The following DCUN1D1 variants were observed in gnomAD, a reference collection of about 807,000 sequenced individuals.
DCUN1D1 encodes defective in cullin neddylation 1 domain containing 1.
Under a neutral mutation model 39.0 loss-of-function variants are expected in DCUN1D1, and 3 were observed. That is an observed-to-expected ratio of 0.08 (90% CI 0.04 to 0.20). The LOEUF is 0.20. Ranked by LOEUF, DCUN1D1 falls within the 10% of genes least tolerant of loss-of-function variation. The pLI is 1.00. For synonymous variants in DCUN1D1, 82 were observed against 96.3 expected, an observed-to-expected ratio of 0.85 and a Z score of 0.87; for missense variants, 158 against 302.4, an observed-to-expected ratio of 0.52 and a Z score of 3.54.
intron 4 of DCUN1D1, among the ~76,000 whole-genome samples, chr3:182,960,403 T>C (rs1223844974): frequency 3.3e-5 from 5 of 152,196 alleles, no homozygotes; most frequent in African/African-American, 1.2e-4. Context: ...AACCAACAAC[T>C]TCTCTCCTGC....
In DCUN1D1 at chr3:182,938,167, AT is replaced by A. The variant is rs954395720; in HGVS notation, c.*6926del. ...TAACTTGAAAAATATATTCGTTAGAATTTTTTTATTAAGTACATCAAAATTT... is the reference window on the plus strand; with the variant it reads ...TAACTTGAAAAATATATTCGTTAGAATTTTTTATTAAGTACATCAAAATTT... On this transcript the variant is annotated 3_prime_UTR_variant, in exon 7 of 7. Transcript: ENST00000292782. The A allele has an allele frequency of 1.3e-5, 2 of 152,142 alleles. No individual in the cohort carries two copies. The highest frequency in any genetic ancestry group is 2.9e-5 in the Non-Finnish European group (2 of 68,016). 9.4% of individuals were successfully genotyped at this position (152,142 alleles called of 1,614,324 possible). A position where few individuals can be genotyped will look rare whatever the true frequency, so the allele number is the denominator to read the frequency against.
chr3:182,966,936 G>A lies in DCUN1D1; in HGVS notation c.4-1183C>T, dbSNP rs193294247. ...AGCCTGCCCAACATGGTGAAACCCC[G>A]TCTCTACTAAAAATACAAAAATTAG... On this transcript the variant is annotated intron_variant, in intron 1 of 6. Transcript: ENST00000292782. Among the ~76,000 whole-genome samples, 25 of 152,044 alleles carry A rather than the reference G, an allele frequency of 1.6e-4. No homozygotes were observed. The East Asian group carries it at 2.5e-3, about 15-fold the overall frequency.
At chr3:182,946,346 A>G (rs893049098) in intron 6 of DCUN1D1, among the ~76,000 whole-genome samples, 30 of 152,218 alleles carry the variant, frequency 2.0e-4, no homozygotes, top group African/African-American at 7.2e-4. Context: ...TGACAAGGTC[A>G]GGAGTTCAAC....
chr3:182,963,740 A>G, intron 3 of DCUN1D1, 141 bp downstream of exon 3: 2 of 691,772 alleles, frequency 2.9e-6, no homozygotes, highest in South Asian at 5.1e-5. Flanking sequence ...ACTGTATAAC[A>G]TGGAAACTAG....
At chr3:182,978,392 T>C (rs1045223838) in intron 1 of DCUN1D1, among the ~76,000 whole-genome samples, 3 of 152,202 alleles carry the variant, frequency 2.0e-5, no homozygotes, top group Non-Finnish European at 4.4e-5. Flanking sequence ...CCTTTCTTAT[T>C]ATTTTTTTTA....
At chr3:182,947,482 T>C (rs1003771644) in intron 5 of DCUN1D1, 68 bp downstream of exon 5, 21 of 1,142,966 alleles carry the variant, frequency 1.8e-5, no homozygotes, top group Non-Finnish European at 2.6e-5. Flanking sequence ...CAATACATTA[T>C]GTTAATTTAT....
chr3:182,939,906 T>C lies in DCUN1D1; in HGVS notation c.*5188A>G, dbSNP rs1208838247. The C allele has an allele frequency of 1.3e-5, 2 of 152,236 alleles. No individual in the cohort carries two copies. The highest frequency in any genetic ancestry group is 2.4e-5 in the African/African-American group (1 of 41,458). 9.4% of individuals were successfully genotyped at this position (152,236 alleles called of 1,614,324 possible). On this transcript the variant is annotated 3_prime_UTR_variant, in exon 7 of 7. Transcript: ENST00000292782. ...ATCACTATTTTAAAGCTCTGGTTCATAGTTCGTTCATTTGATATATTCAAC... is the reference window on the plus strand; with the variant it reads ...ATCACTATTTTAAAGCTCTGGTTCACAGTTCGTTCATTTGATATATTCAAC...
At chr3:182,979,241 G>A (rs1302233737) in intron 1 of DCUN1D1, among the ~76,000 whole-genome samples, 2 of 152,122 alleles carry the variant, frequency 1.3e-5, no homozygotes, top group African/African-American at 2.4e-5. Flanking sequence ...TTAAATATGT[G>A]TCAGACTAAA....
At chr3:182,973,173 A>G (rs529396305) in intron 1 of DCUN1D1, among the ~76,000 whole-genome samples, 38 of 152,262 alleles carry the variant, frequency 2.5e-4, no homozygotes, top group African/African-American at 7.9e-4. Context: ...ACACATATAC[A>G]CTATGTTTTT....
intron 4 of DCUN1D1, among the ~76,000 whole-genome samples, chr3:182,951,614 T>TC (rs1410457738): frequency 5.2e-4 from 16 of 30,834 alleles, no homozygotes; most frequent in Non-Finnish European, 7.5e-4. Flanking sequence ...AGACCCTGTC[T>TC]CCCAAAAAAA....
chr3:182,947,080 C>A (rs1353998449), intron 6 of DCUN1D1, among the ~76,000 whole-genome samples, 158 bp downstream of exon 6: 1 of 151,900 alleles, frequency 6.6e-6, no homozygotes, highest in Non-Finnish European at 1.5e-5. Context: ...CTACCCTGGG[C>A]AACAGAATGA....
Position 182,940,934 on chromosome 3 carries a change from T to G in DCUN1D1, c.*4160A>C, listed in dbSNP as rs180853891. 5 of 152,212 alleles carry G rather than the reference T, an allele frequency of 3.3e-5. No homozygotes were observed. The highest frequency in any genetic ancestry group is 1.2e-4 in the African/African-American group (5 of 41,452). The allele number at this position is 152,212 out of a possible 1,614,324, so 9.4% of individuals were successfully genotyped here. On this transcript the variant is annotated 3_prime_UTR_variant, in exon 7 of 7. Coordinates refer to ENST00000292782, the MANE Select transcript of DCUN1D1 (RefSeq NM_020640.4). ...TAAAACTCCATAAAGACATTACTTATTGAGAATTCCACTAACTACAAAGGC... is the reference window on the plus strand; with the variant it reads ...TAAAACTCCATAAAGACATTACTTAGTGAGAATTCCACTAACTACAAAGGC...
intron 4 of DCUN1D1, among the ~76,000 whole-genome samples, chr3:182,953,379 AT>A (rs1342662186): frequency 6.6e-6 from 1 of 152,218 alleles, no homozygotes; most frequent in Non-Finnish European, 1.5e-5. Context: ...TCAGAAAGAA[AT>A]TTATAAGTGA....
At chr3:182,970,266 C>CA (rs1210823658) in intron 1 of DCUN1D1, among the ~76,000 whole-genome samples, 5 of 148,980 alleles carry the variant, frequency 3.4e-5, no homozygotes, top group African/African-American at 7.4e-5. Flanking sequence ...CTTAACCCCC[C>CA]AAAAAAAAGA....
intron 1 of DCUN1D1, among the ~76,000 whole-genome samples, chr3:182,973,006 C>T (rs1299984973): frequency 1.3e-5 from 2 of 151,890 alleles, no homozygotes; most frequent in African/African-American, 4.8e-5. Context: ...CACACCATTG[C>T]GCTCCAATCT....
chr3:182,959,991 C>T (rs1213881815), intron 4 of DCUN1D1, among the ~76,000 whole-genome samples: 9 of 152,164 alleles, frequency 5.9e-5, no homozygotes, highest in African/African-American at 2.2e-4. Flanking sequence ...TTGTCTGCCA[C>T]GTGATGATGC....
chr3:182,951,637 A>AT lies in DCUN1D1; in HGVS notation c.521-4006_521-4005insA, dbSNP rs1327851666. Among the ~76,000 whole-genome samples, 7 of 148,668 alleles carry AT rather than the reference A, an allele frequency of 4.7e-5. No homozygotes were observed. The East Asian group carries it at 1.4e-3, about 29-fold the overall frequency. On this transcript the variant is annotated intron_variant, in intron 4 of 6. Coordinates refer to ENST00000292782, the MANE Select transcript of DCUN1D1 (RefSeq NM_020640.4). ...TCTCCCAAAAAAAAAAAAAAAAAAA[A>AT]AAAAAAAAACCACCACACACAAAAG...
At chr3:182,974,763 T>TAAA (rs11425594) in intron 1 of DCUN1D1, among the ~76,000 whole-genome samples, 2 of 147,130 alleles carry the variant, frequency 1.4e-5, no homozygotes, top group Non-Finnish European at 1.5e-5. Flanking sequence ...TAATAGACTT[T>TAAA]AAAAAAAAAA....
rs1290821874 is a variant in DCUN1D1 at position 182,938,573 on chromosome 3, A to G, written c.*6521T>C. 1 of 152,204 alleles carries G rather than the reference A, an allele frequency of 6.6e-6. No individual in the cohort carries two copies. Among genetic ancestry groups the G allele is most frequent in the East Asian group, 1.9e-4 (1 of 5,200 alleles). The allele number at this position is 152,204 out of a possible 1,614,324, so 9.4% of individuals were successfully genotyped here. A position where few individuals can be genotyped will look rare whatever the true frequency, so the allele number is the denominator to read the frequency against. ...TTCAAAGATGAATGGCATTTAGATA[A>G]ATCAAGATTGGCCATGGATTGATCA... On this transcript the variant is annotated 3_prime_UTR_variant, in exon 7 of 7. Coordinates refer to ENST00000292782, the MANE Select transcript of DCUN1D1 (RefSeq NM_020640.4).
Sources: gnomAD v4.1 joint callset for allele counts (sites outside exome capture counted in the v4.1 genomes callset) on GRCh38, gnomAD v4.1.1 for gene constraint, MANE v1.5 for transcripts, NCBI Gene and HGNC (gene_info 2026-07-23, HGNC 2026-07-21) for gene names.